The following SEMA3A variants were observed in gnomAD, a reference collection of about 807,000 sequenced individuals.
The protein encoded by SEMA3A is semaphorin 3A, also known as semaphorin-3A.
SEMA3A carries 29 observed loss-of-function variants against 97.9 expected under a neutral mutation model. The ratio of observed to expected loss-of-function variants is 0.30; its 90% CI spans 0.22 to 0.40. The LOEUF is 0.40. Among genes scored for constraint, SEMA3A ranks in the 10% least tolerant of loss-of-function variants. The pLI, the probability that SEMA3A is intolerant of heterozygous loss-of-function variation, is 1.00. For synonymous variants in SEMA3A, 321 were observed against 323.7 expected (o/e 0.99, Z 0.09); for missense variants, 763 against 951.3 (o/e 0.80, Z 2.60).
intron 4 of SEMA3A, among the ~76,000 whole-genome samples, chr7:84,067,039 A>G (rs1281531976): frequency 6.6e-6 from 1 of 152,176 alleles, no homozygotes. Context: ...AGGCTACAGT[A>G]ACCAAAACAG....
chr7:84,038,221 C>T (rs908143376), intron 6 of SEMA3A, among the ~76,000 whole-genome samples: 5 of 152,104 alleles, frequency 3.3e-5, no homozygotes, highest in Admixed American at 3.3e-4. Context: ...AAGGAAAGGA[C>T]ATAGATCACT....
At chr7:83,968,310 T>G (rs1304740587) in intron 15 of SEMA3A, among the ~76,000 whole-genome samples, 1 of 152,250 alleles carries the variant, frequency 6.6e-6, no homozygotes, top group Non-Finnish European at 1.5e-5. Context: ...AAATTGGTTT[T>G]GGCAGGGTGT....
At chr7:84,462,790 T>C (rs1399487462) in intron 1 of SEMA3A, among the ~76,000 whole-genome samples, 2 of 152,096 alleles carry the variant, frequency 1.3e-5, no homozygotes, top group African/African-American at 2.4e-5. Context: ...AGAAAGAATA[T>C]ATACATAGCT....
chr7:84,398,933 A>AG (rs1369079547), intron 1 of SEMA3A, among the ~76,000 whole-genome samples: 1 of 152,210 alleles, frequency 6.6e-6, no homozygotes, highest in Non-Finnish European at 1.5e-5. Flanking sequence ...AACTTGAACA[A>AG]CAGTGCATGC....
intron 1 of SEMA3A, among the ~76,000 whole-genome samples, chr7:84,463,170 T>G (rs551956491): frequency 6.6e-6 from 1 of 151,742 alleles, no homozygotes; most frequent in Non-Finnish European, 1.5e-5. Context: ...CTGCGTGCAT[T>G]ATTCCAAGGC....
intron 3 of SEMA3A, among the ~76,000 whole-genome samples, chr7:84,258,137 G>A (rs184768255): frequency 6.6e-6 from 1 of 152,192 alleles, no homozygotes; most frequent in East Asian, 1.9e-4. Flanking sequence ...CACATTACTG[G>A]TTCCCCTTTC....
chr7:83,986,459 T>C (rs1196605079), intron 12 of SEMA3A, among the ~76,000 whole-genome samples: 1 of 152,182 alleles, frequency 6.6e-6, no homozygotes, highest in Non-Finnish European at 1.5e-5. Flanking sequence ...ATAAATAAAT[T>C]GGGTTCTTTG....
intron 1 of SEMA3A, among the ~76,000 whole-genome samples, chr7:84,474,435 TGCTCCTTTTTTTTTCTCTCTCTCCCAGA>T (rs573165909): frequency 1.3e-3 from 200 of 152,056 alleles, no homozygotes; most frequent in Non-Finnish European, 2.0e-3. Context: ...TGTTGAGGAC[TGCTCCTTTTTTTTTCTCTCTCTCCCAGA>T]GTAACATTTG....
At chr7:84,424,450 A>G (rs927533443) in intron 1 of SEMA3A, among the ~76,000 whole-genome samples, 10 of 124,932 alleles carry the variant, frequency 8.0e-5, no homozygotes, top group Non-Finnish European at 1.6e-4. Context: ...AATATATAAT[A>G]TAATAATACA....
At chr7:84,418,553 A>C (rs1213022926) in intron 1 of SEMA3A, among the ~76,000 whole-genome samples, 1 of 152,072 alleles carries the variant, frequency 6.6e-6, no homozygotes, top group East Asian at 1.9e-4. Flanking sequence ...ATTTGCTGCC[A>C]GTTTGACTAA....
chr7:84,417,657 ATTTAT>A (rs919663522), intron 1 of SEMA3A, among the ~76,000 whole-genome samples: 92 of 152,168 alleles, frequency 6.0e-4, no homozygotes, highest in African/African-American at 2.1e-3. Flanking sequence ...ACTTTTTCTT[ATTTAT>A]TTTATTATAT....
chr7:84,227,136 A>G (rs1380313559), intron 3 of SEMA3A, among the ~76,000 whole-genome samples: 1 of 151,772 alleles, frequency 6.6e-6, no homozygotes, highest in Non-Finnish European at 1.5e-5. Context: ...ATTTATATCT[A>G]TATAGATATC....
chr7:84,379,450 G>C (rs115133760), intron 1 of SEMA3A, among the ~76,000 whole-genome samples: 2,062 of 152,210 alleles, frequency 0.014, 50 homozygotes, highest in African/African-American at 0.047. Context: ...TTCTCAGACT[G>C]AATTGTCCCC....
intron 3 of SEMA3A, among the ~76,000 whole-genome samples, chr7:84,288,378 C>T (rs528681215): frequency 6.6e-6 from 1 of 152,098 alleles, no homozygotes; most frequent in South Asian, 2.1e-4. Flanking sequence ...TTAAAATAGT[C>T]AGGACATAAG....
chr7:84,143,332 A>G (rs73380817), intron 1 of SEMA3A, among the ~76,000 whole-genome samples: 2,609 of 152,312 alleles, frequency 0.017, 82 homozygotes, highest in African/African-American at 0.06. Context: ...AAGAAGTAAC[A>G]CCAAAGCAAT....
At chr7:84,464,695 T>C (rs1303387371) in intron 1 of SEMA3A, among the ~76,000 whole-genome samples, 1 of 152,178 alleles carries the variant, frequency 6.6e-6, no homozygotes, top group Non-Finnish European at 1.5e-5. Flanking sequence ...CAAAAGATCA[T>C]TGTAATTGAT....
At chr7:84,040,177 G>T (rs147467800) in intron 6 of SEMA3A, among the ~76,000 whole-genome samples, 242 of 149,974 alleles carry the variant, frequency 1.6e-3, no homozygotes, top group African/African-American at 5.4e-3. Context: ...TCATAATATT[G>T]TAAACCCATT....
At chr7:84,230,949 CA>C (rs975374911) in intron 3 of SEMA3A, among the ~76,000 whole-genome samples, 2 of 151,900 alleles carry the variant, frequency 1.3e-5, no homozygotes, top group African/African-American at 4.8e-5. Context: ...ACAGCATTTA[CA>C]GTTTACCCCC....
chr7:84,091,305 AAAGGAAGG>A (rs1158058394), intron 4 of SEMA3A, among the ~76,000 whole-genome samples: 2 of 140,904 alleles, frequency 1.4e-5, no homozygotes, highest in African/African-American at 2.5e-5. Context: ...AAAGAAAAAG[AAAGGAAGG>A]AAGGAAGGAA....
Sources: gnomAD v4.1 joint callset for allele counts (sites outside exome capture counted in the v4.1 genomes callset) on GRCh38, gnomAD v4.1.1 for gene constraint, MANE v1.5 for transcripts, NCBI Gene and HGNC (gene_info 2026-07-23, HGNC 2026-07-21) for gene names.